CHRDL1: variants seen among roughly 807,000 people sequenced by gnomAD.
CHRDL1 encodes chordin-like protein 1.
A neutral mutation model predicts 40.9 loss-of-function variants in CHRDL1; 19 were observed. The ratio of observed to expected loss-of-function variants is 0.46; its 90% CI spans 0.32 to 0.68. CHRDL1 has a LOEUF of 0.68. Among genes scored for constraint, CHRDL1 ranks in the 30% least tolerant of loss-of-function variants. The pLI is 0.03. For synonymous variants in CHRDL1, 136 were observed against 123.4 expected (o/e 1.10, Z -0.68); for missense variants, 329 against 352.1 (o/e 0.93, Z 0.53).
At chrX:110,680,870 A>T (rs907426677) in intron 10 of CHRDL1, among the ~76,000 whole-genome samples, 4 of 111,861 alleles carry the variant, frequency 3.6e-5, no homozygotes, top group African/African-American at 6.5e-5. Context: ...GGAATTGAAC[A>T]TTGTGACTGG....
chrX:110,739,192 T>C (rs769976769), intron 4 of CHRDL1, among the ~76,000 whole-genome samples: 43 of 112,123 alleles, frequency 3.8e-4, no homozygotes, highest in African/African-American at 1.0e-3. Context: ...TGAGAGTATG[T>C]TGATGAAGAC....
At chrX:110,725,717 CA>C (rs934345626) in intron 4 of CHRDL1, among the ~76,000 whole-genome samples, 8 of 112,066 alleles carry the variant, frequency 7.1e-5, no homozygotes, top group African/African-American at 2.6e-4. Context: ...GTTATAAATA[CA>C]AACCTCCCCA....
intron 6 of CHRDL1, among the ~76,000 whole-genome samples, chrX:110,714,747 C>T (rs925832666): frequency 4.5e-5 from 5 of 111,506 alleles, no homozygotes; most frequent in East Asian, 2.8e-4. Flanking sequence ...TGCAGAGAGG[C>T]TATTTCAATG....
At chrX:110,681,444 C>A in intron 10 of CHRDL1, 38 bp downstream of exon 10, 1 of 1,141,394 alleles carries the variant, frequency 8.8e-7, no homozygotes. Context: ...TTTCTGTGCC[C>A]CCTTACAAAG....
At chrX:110,764,145 T>G in intron 2 of CHRDL1, among the ~76,000 whole-genome samples, 1 of 112,398 alleles carries the variant, frequency 8.9e-6, no homozygotes, top group East Asian at 2.8e-4. Flanking sequence ...TATTAGTCCT[T>G]TGTCAGATGT....
rs1392889109 is a variant in CHRDL1 at position 110,675,565 on chromosome X, T to C, written c.*666A>G. The C allele has an allele frequency of 9.0e-6, 1 of 111,545 alleles. No individual in the cohort carries two copies. Among genetic ancestry groups the C allele is most frequent in the Non-Finnish European group, 1.9e-5 (1 of 53,088 alleles). The allele number at this position is 111,545 out of a possible 1,213,427, so 9.2% of individuals were successfully genotyped here. On this transcript the variant is annotated 3_prime_UTR_variant, in exon 12 of 12. Transcript: ENST00000372042. ...TCTTGTTCACAGTTATTTACTCTCC[T>C]GGGCACAAAAACTTCCAAGCTACTT...
chrX:110,734,399 CTA>C lies in CHRDL1; in HGVS notation c.302-12871_302-12870del, dbSNP rs761261833. On this transcript the variant is annotated intron_variant, in intron 4 of 11. Transcript: ENST00000372042. Reference sequence around the variant, plus strand: ...ATAATCCAGTCTTCAGAGGCAACCTCTATGTTCTTTCCTGTCAAAATTTCTTC... The same window carrying C: ...ATAATCCAGTCTTCAGAGGCAACCTCTGTTCTTTCCTGTCAAAATTTCTTC... 3.6e-5 allele frequency among the ~76,000 whole-genome samples: 4 copies of C among 112,134 alleles called. No individual in the cohort carries two copies. In the East Asian group the frequency reaches 1.1e-3, roughly 31 times the overall value.
intron 6 of CHRDL1, among the ~76,000 whole-genome samples, chrX:110,711,463 G>A (rs940370186): frequency 2.7e-5 from 3 of 111,376 alleles, no homozygotes; most frequent in African/African-American, 9.8e-5. Flanking sequence ...CAGGCATAAG[G>A]TTTCAGTTAT....
intron 4 of CHRDL1, among the ~76,000 whole-genome samples, chrX:110,750,106 T>C (rs763928196): frequency 8.9e-6 from 1 of 111,853 alleles, no homozygotes; most frequent in African/African-American, 3.2e-5. Flanking sequence ...CTGAGCTTAG[T>C]GGCCTCGGGA....
At chrX:110,794,753 T>C (rs1467101680) in intron 1 of CHRDL1, among the ~76,000 whole-genome samples, 3 of 112,389 alleles carry the variant, frequency 2.7e-5, no homozygotes, top group Non-Finnish European at 5.6e-5. Flanking sequence ...GATGAACACA[T>C]GTCAGCCAGT....
intron 4 of CHRDL1, 150 bp downstream of exon 4, chrX:110,759,511 A>T (rs1293862460): frequency 4.3e-6 from 2 of 464,725 alleles, no homozygotes; most frequent in Non-Finnish European, 7.8e-6. Context: ...GGCTATAAAA[A>T]GTATTTAGAG....
intron 2 of CHRDL1, among the ~76,000 whole-genome samples, chrX:110,765,440 A>G (rs1235330040): frequency 8.9e-6 from 1 of 112,242 alleles, no homozygotes; most frequent in Non-Finnish European, 1.9e-5. Flanking sequence ...TTCAGGTCTT[A>G]GGTTTAAGTC....
At chrX:110,712,980 G>A (rs910177288) in intron 6 of CHRDL1, among the ~76,000 whole-genome samples, 1 of 111,549 alleles carries the variant, frequency 9.0e-6, no homozygotes, top group East Asian at 2.8e-4. Flanking sequence ...GGGAGGGACT[G>A]GATTCATGGT....
rs181677412 is a variant in CHRDL1 at position 110,742,046 on chromosome X, A to T, written c.301+17615T>A. On this transcript the variant is annotated intron_variant, in intron 4 of 11. Transcript: ENST00000372042. The stretch of plus-strand genomic sequence containing the variant: ...AACAGAGAAAGGAGAAGAGAGATGA[A>T]AGGATACTTTACTTGGACCTACAAG... 3.2e-3 allele frequency among the ~76,000 whole-genome samples: 355 copies of T among 112,420 alleles called. 2 individuals carry two copies. Among genetic ancestry groups the T allele is most frequent in the Middle Eastern group, 0.014 (3 of 217 alleles).
intron 4 of CHRDL1, among the ~76,000 whole-genome samples, chrX:110,740,883 A>C (rs2071347908): frequency 8.9e-6 from 1 of 112,368 alleles, no homozygotes; most frequent in Admixed American, 9.4e-5. Context: ...TTTTATTGGA[A>C]CATATTCATG....
intron 11 of CHRDL1, among the ~76,000 whole-genome samples, chrX:110,678,521 C>A (rs1007346069): frequency 7.2e-5 from 8 of 111,042 alleles, no homozygotes; most frequent in Non-Finnish European, 1.3e-4. Flanking sequence ...GGACTGATTT[C>A]CTGACCCATT....
chrX:110,753,317 T>G (rs946296085), intron 4 of CHRDL1, among the ~76,000 whole-genome samples: 1 of 112,018 alleles, frequency 8.9e-6, no homozygotes, highest in African/African-American at 3.2e-5. Flanking sequence ...AGGCCACAAA[T>G]TGTATGATTC....
intron 6 of CHRDL1, 29 bp downstream of exon 6, chrX:110,719,806 C>T (rs1292438095): frequency 1.0e-6 from 1 of 991,188 alleles, no homozygotes; most frequent in Admixed American, 2.2e-5. Context: ...ATAGCAGCAC[C>T]CAGGGGTCTT....
At chrX:110,754,460 T>A (rs774277430) in intron 4 of CHRDL1, among the ~76,000 whole-genome samples, 1 of 112,445 alleles carries the variant, frequency 8.9e-6, no homozygotes, top group African/African-American at 3.2e-5. Flanking sequence ...TATGTGCATA[T>A]TGTATTGTGG....
Sources: gnomAD v4.1 joint callset for allele counts (sites outside exome capture counted in the v4.1 genomes callset) on GRCh38, gnomAD v4.1.1 for gene constraint, MANE v1.5 for transcripts, NCBI Gene and HGNC (gene_info 2026-07-23, HGNC 2026-07-21) for gene names.